The following SUPT3H variants were observed in gnomAD, a reference collection of about 807,000 sequenced individuals.
SUPT3H encodes the protein SPT3 homolog, SAGA and STAGA complex component, also known as transcription initiation protein SPT3 homolog.
SUPT3H carries 44 observed loss-of-function variants against 44.3 expected under a neutral mutation model. The ratio of observed to expected loss-of-function variants is 0.99; its 90% CI spans 0.78 to 1.28. The LOEUF is 1.28. SUPT3H is among the 50% of genes most tolerant of loss of function. The pLI is 0.00. For missense variants in SUPT3H, 380 were observed against 387.1 expected (o/e 0.98, Z 0.15); for synonymous variants, 124 against 125.6 (o/e 0.99, Z 0.09).
chr6:45,351,121 C>G (rs1365250486), intron 2 of SUPT3H, among the ~76,000 whole-genome samples: 1 of 152,164 alleles, frequency 6.6e-6, no homozygotes, highest in Non-Finnish European at 1.5e-5. Context: ...GAAAAAATGC[C>G]TTCCACGAAA....
At chr6:44,990,425 A>C (rs1780455229) in intron 6 of SUPT3H, among the ~76,000 whole-genome samples, 1 of 152,118 alleles carries the variant, frequency 6.6e-6, no homozygotes, top group Non-Finnish European at 1.5e-5. Context: ...TCATGGGGGC[A>C]GTAGGGTACT....
chr6:44,817,523 GA>G (rs1237028462), intron 11 of SUPT3H, among the ~76,000 whole-genome samples: 2 of 151,526 alleles, frequency 1.3e-5, no homozygotes, highest in African/African-American at 4.8e-5. Context: ...AGATTAGAAA[GA>G]AAAAAAATTG....
Position 45,328,497 on chromosome 6 carries a change from T to C in SUPT3H, c.101+36704A>G, listed in dbSNP as rs758397811. On this transcript the variant is annotated intron_variant, in intron 2 of 10. Coordinates refer to ENST00000371459, the MANE Select transcript of SUPT3H (RefSeq NM_003599.4). ...CTAACCACAGTCTATGCAGTAATAG[T>C]AGGTCCTTCAAATATTTGCTCATTC... The C allele has an allele frequency of 1.2e-5, 18 of 1,523,918 alleles. No homozygotes were observed. In the South Asian group the frequency reaches 1.5e-4, roughly 12 times the overall value. The allele number at this position is 1,523,918 out of a possible 1,614,324, so 94.4% of individuals were successfully genotyped here. A position where few individuals can be genotyped will look rare whatever the true frequency, so the allele number is the denominator to read the frequency against.
At chr6:45,201,962 T>G (rs1364585220) in intron 2 of SUPT3H, among the ~76,000 whole-genome samples, 1 of 151,932 alleles carries the variant, frequency 6.6e-6, no homozygotes, top group Non-Finnish European at 1.5e-5. Context: ...TGTTAAAAAG[T>G]AGTAGAATAT....
intron 2 of SUPT3H, among the ~76,000 whole-genome samples, chr6:45,235,416 T>C (rs1394513050): frequency 1.3e-5 from 2 of 152,144 alleles, no homozygotes; most frequent in East Asian, 3.9e-4. Context: ...AATTTGTAGA[T>C]TCTAATATAA....
At chr6:45,308,120 A>G (rs941717003) in intron 2 of SUPT3H, among the ~76,000 whole-genome samples, 2 of 152,140 alleles carry the variant, frequency 1.3e-5, no homozygotes, top group African/African-American at 4.8e-5. Context: ...TGAAAAGACC[A>G]AATCTACACC....
intron 2 of SUPT3H, among the ~76,000 whole-genome samples, chr6:45,158,463 G>A (rs1028738696): frequency 6.6e-6 from 1 of 151,242 alleles, no homozygotes; most frequent in African/African-American, 2.4e-5. Context: ...AGTAAATCTT[G>A]GGCCCTAGAA....
chr6:44,956,100 C>T (rs1239220538), intron 7 of SUPT3H, among the ~76,000 whole-genome samples: 3 of 144,306 alleles, frequency 2.1e-5, no homozygotes. Context: ...CCAGCCTGGG[C>T]GAGTGCGAGA....
intron 2 of SUPT3H, among the ~76,000 whole-genome samples, chr6:45,125,639 C>T (rs542332603): frequency 2.0e-5 from 3 of 152,238 alleles, no homozygotes; most frequent in African/African-American, 7.2e-5. Context: ...GTACATGGGT[C>T]TCCACTTACA....
chr6:45,282,417 G>T (rs1331553923), intron 2 of SUPT3H, among the ~76,000 whole-genome samples: 2 of 152,146 alleles, frequency 1.3e-5, no homozygotes, highest in Non-Finnish European at 2.9e-5. Flanking sequence ...GAAAACCATG[G>T]CACGAGAACT....
At chr6:45,205,039 A>G (rs1763014603) in intron 2 of SUPT3H, among the ~76,000 whole-genome samples, 1 of 152,202 alleles carries the variant, frequency 6.6e-6, no homozygotes, top group Non-Finnish European at 1.5e-5. Flanking sequence ...CATTTTAACT[A>G]TAGAAATAAT....
intron 2 of SUPT3H, among the ~76,000 whole-genome samples, chr6:45,158,369 G>A (rs1355779069): frequency 7.5e-5 from 10 of 133,732 alleles, no homozygotes; most frequent in African/African-American, 2.6e-4. Context: ...GCACTATCTC[G>A]GCTCACTGCA....
At position 45,067,844 on chromosome 6, in the gene SUPT3H, A is replaced by T. The variant is rs1233903407; in HGVS notation, c.186+38078T>A. Among the ~76,000 whole-genome samples, 261 of 146,108 alleles carry T rather than the reference A, an allele frequency of 1.8e-3. 1 individual carries two copies. Among genetic ancestry groups the T allele is most frequent in the Non-Finnish European group, 3.1e-3 (205 of 67,098 alleles). ...GCTGGAGAGGATGTGGAGAAATAGG[A>T]ACACTTTTACACTGTTGGTGGGACT... On this transcript the variant is annotated intron_variant, in intron 3 of 10. Transcript: ENST00000371459.
At chr6:45,158,945 A>T (rs940528386) in intron 2 of SUPT3H, 2 of 152,222 alleles carry the variant, frequency 1.3e-5, no homozygotes, top group South Asian at 2.1e-4. Context: ...ACTCAAATCC[A>T]ATGGCAAGGA....
At chr6:45,139,080 C>A (rs971080174) in intron 2 of SUPT3H, among the ~76,000 whole-genome samples, 2 of 152,156 alleles carry the variant, frequency 1.3e-5, no homozygotes, top group Non-Finnish European at 2.9e-5. Flanking sequence ...GTCTACCCCC[C>A]TTTTAAGTCA....
At chr6:44,834,118 G>C (rs1173085723) in intron 10 of SUPT3H, among the ~76,000 whole-genome samples, 2 of 152,166 alleles carry the variant, frequency 1.3e-5, no homozygotes. Flanking sequence ...GTGGAGATTA[G>C]GCTTTGGAAT....
chr6:44,859,456 T>C (rs1191403656), intron 10 of SUPT3H, among the ~76,000 whole-genome samples: 1 of 152,178 alleles, frequency 6.6e-6, no homozygotes, highest in African/African-American at 2.4e-5. Flanking sequence ...AAGTTTTCTT[T>C]TTCTCTCCTG....
chr6:44,952,959 C>T (rs865985473), intron 9 of SUPT3H, among the ~76,000 whole-genome samples: 2 of 152,136 alleles, frequency 1.3e-5, no homozygotes, highest in African/African-American at 2.4e-5. Context: ...TGATAACCCT[C>T]TTATCTTTTG....
intron 10 of SUPT3H, among the ~76,000 whole-genome samples, chr6:44,914,598 G>A (rs538857): frequency 0.98 from 149,206 of 152,306 alleles, 73,095 homozygotes; most frequent in Middle Eastern, 1. Context: ...TTACCCATAT[G>A]CAAATTAATC....
Sources: allele counts gnomAD v4.1 joint callset (sites outside exome capture counted in the v4.1 genomes callset), GRCh38; gene constraint gnomAD v4.1.1; transcripts MANE v1.5; gene names NCBI Gene and HGNC (gene_info 2026-07-23, HGNC 2026-07-21).